Variants in NRXN3 observed in about 807,000 individuals in gnomAD.
NRXN3 encodes neurexin III.
NRXN3 carries 32 observed loss-of-function variants against 137.6 expected under a neutral mutation model. The observed-to-expected ratio is 0.23, with a 90% CI of 0.18 to 0.31. NRXN3 has a LOEUF of 0.31. Ranked by LOEUF, NRXN3 falls within the 10% of genes least tolerant of loss-of-function variation. The probability of loss-of-function intolerance (pLI) is 1.00; values close to 1 mark genes in which losing one functional copy is unlikely to be tolerated. For synonymous variants in NRXN3, 798 were observed against 784.5 expected (o/e 1.02, Z -0.29); for missense variants, 1,574 against 2,062.5 (o/e 0.76, Z 4.59).
At position 79,274,860 on chromosome 14, in the gene NRXN3, A is replaced by G. The variant is rs74067955; in HGVS notation, c.3263-192361A>G. ...CCACAGGGAGGACAAGGGCATAACT[A>G]TGGATGTTTATTAGAAGGATAAGTT... is the stretch of plus-strand genomic sequence containing the variant. On this transcript the variant is annotated intron_variant, in intron 15 of 20. Coordinates refer to ENST00000335750, the MANE Select transcript of NRXN3 (RefSeq NM_001330195.2). 4.1e-3 allele frequency among the ~76,000 whole-genome samples: 626 copies of G among 152,284 alleles called. 8 individuals are homozygous for G. The highest frequency in any genetic ancestry group is 0.014 in the African/African-American group (595 of 41,562).
chr14:78,639,247 A>G (rs1220117974), intron 4 of NRXN3, among the ~76,000 whole-genome samples: 1 of 152,208 alleles, frequency 6.6e-6, no homozygotes, highest in Non-Finnish European at 1.5e-5. Flanking sequence ...TTGCATGAAT[A>G]CAGACTAAAG....
intron 4 of NRXN3, among the ~76,000 whole-genome samples, chr14:78,640,119 G>A (rs1185100202): frequency 1.3e-5 from 2 of 152,038 alleles, no homozygotes; most frequent in African/African-American, 4.8e-5. Context: ...GTTTCCTCCT[G>A]TGTTCTCTGG....
intron 15 of NRXN3, among the ~76,000 whole-genome samples, chr14:79,277,050 TG>T: frequency 6.6e-6 from 1 of 152,270 alleles, no homozygotes; most frequent in East Asian, 1.9e-4. Context: ...TGGAGAGTGC[TG>T]TCAAGGAAAT....
chr14:78,836,011 G>T (rs1217196293), intron 10 of NRXN3, among the ~76,000 whole-genome samples: 2 of 152,220 alleles, frequency 1.3e-5, no homozygotes, highest in Admixed American at 6.5e-5. Context: ...TATGTGTAGG[G>T]GCACTGTGGG....
chr14:79,279,439 G>C, intron 15 of NRXN3: 1 of 986,026 alleles, frequency 1.0e-6, no homozygotes. Context: ...CCCGCCTCTC[G>C]GCCACCTCTG....
Position 79,795,593 on chromosome 14 carries a change from T to G in NRXN3, c.4015-9519T>G, listed in dbSNP as rs2099158734. Among the ~76,000 whole-genome samples, 3 of 152,208 alleles carry G rather than the reference T, an allele frequency of 2.0e-5. No homozygotes were observed. The South Asian group carries it at 6.2e-4, about 31-fold the overall frequency. ...CTGTCTCAAACTTACTGGCCACAGA[T>G]CACTTGTAACTCCCTATTTTATTAA... is the stretch of plus-strand genomic sequence containing the variant. On this transcript the variant is annotated intron_variant, in intron 19 of 20. Coordinates refer to ENST00000335750, the MANE Select transcript of NRXN3 (RefSeq NM_001330195.2).
At chr14:78,938,934 C>T (rs1345360350) in intron 10 of NRXN3, among the ~76,000 whole-genome samples, 1 of 150,744 alleles carries the variant, frequency 6.6e-6, no homozygotes, top group African/African-American at 2.5e-5. Flanking sequence ...AGGCTCCGCC[C>T]CCTGGGGTTC....
intron 10 of NRXN3, among the ~76,000 whole-genome samples, chr14:78,924,651 A>T (rs1487694472): frequency 6.6e-6 from 1 of 152,224 alleles, no homozygotes; most frequent in Non-Finnish European, 1.5e-5. Context: ...TTTTCTAAAA[A>T]ATTTTAGCCT....
intron 15 of NRXN3, among the ~76,000 whole-genome samples, chr14:79,227,843 T>TTCCTCCCTCCCC (rs2071347546): frequency 7.2e-6 from 1 of 138,474 alleles, no homozygotes; most frequent in Non-Finnish European, 1.6e-5. Context: ...CCTCCCTCCC[T>TTCCTCCCTCCCC]TCCTCCCTCC....
chr14:79,171,295 A>G (rs1258306539), intron 15 of NRXN3, among the ~76,000 whole-genome samples: 3 of 152,128 alleles, frequency 2.0e-5, no homozygotes, highest in African/African-American at 7.2e-5. Flanking sequence ...AGGGTTATAT[A>G]CCCAAAACTC....
chr14:79,641,016 G>GT lies in NRXN3; in HGVS notation c.3445-22753dup, dbSNP rs199589727. On this transcript the variant is annotated intron_variant, in intron 16 of 20. Transcript: ENST00000335750. ...GTTTAGAATAAATTATAATCTCCAC[G>GT]TTTTTTTTTGAGACAGAGTCTCGCT... 7.0e-3 allele frequency among the ~76,000 whole-genome samples: 920 copies of GT among 130,702 alleles called. 175 individuals carry two copies. Among genetic ancestry groups the GT allele is most frequent in the Admixed American group, 0.064 (778 of 12,162 alleles). The allele number at this position is 130,702 out of a possible 152,430, so 85.7% of individuals were successfully genotyped here.
chr14:79,339,751 AC>A, intron 15 of NRXN3, among the ~76,000 whole-genome samples: 1 of 152,276 alleles, frequency 6.6e-6, no homozygotes, highest in African/African-American at 2.4e-5. Context: ...TTCAAGTCTC[AC>A]CTACTGCCAT....
At chr14:79,847,911 T>C (rs1353921653) in intron 20 of NRXN3, among the ~76,000 whole-genome samples, 1 of 151,856 alleles carries the variant, frequency 6.6e-6, no homozygotes, top group Non-Finnish European at 1.5e-5. Flanking sequence ...GTTTTAATGC[T>C]AACTTAATAA....
At chr14:78,297,383 A>C (rs2076449294) in intron 3 of NRXN3, among the ~76,000 whole-genome samples, 1 of 152,262 alleles carries the variant, frequency 6.6e-6, no homozygotes, top group East Asian at 1.9e-4. Context: ...TGTTCTGATG[A>C]TTTTTCCCAA....
intron 15 of NRXN3, among the ~76,000 whole-genome samples, chr14:79,060,857 C>T (rs543889721): frequency 6.6e-6 from 1 of 152,104 alleles, no homozygotes; most frequent in Admixed American, 6.5e-5. Flanking sequence ...AATTTCTCTA[C>T]TAGATTAGGG....
At chr14:78,884,591 T>A (rs2099137980) in intron 10 of NRXN3, among the ~76,000 whole-genome samples, 1 of 152,206 alleles carries the variant, frequency 6.6e-6, no homozygotes, top group Admixed American at 6.5e-5. Flanking sequence ...ATTTTCCTAT[T>A]AATTTTAAAT....
intron 15 of NRXN3, among the ~76,000 whole-genome samples, chr14:79,289,049 G>C (rs1204400219): frequency 6.6e-6 from 1 of 152,116 alleles, no homozygotes; most frequent in Non-Finnish European, 1.5e-5. Context: ...CAATGGGCTC[G>C]TAGAACTTAG....
intron 16 of NRXN3, among the ~76,000 whole-genome samples, chr14:79,596,054 T>C (rs1389641876): frequency 6.6e-6 from 1 of 152,026 alleles, no homozygotes; most frequent in Non-Finnish European, 1.5e-5. Flanking sequence ...TGGGTTTTTT[T>C]TTTTTTTGGT....
At chr14:78,370,337 A>C in intron 4 of NRXN3, among the ~76,000 whole-genome samples, 1 of 149,438 alleles carries the variant, frequency 6.7e-6, no homozygotes, top group Non-Finnish European at 1.5e-5. Context: ...TGAGTGCTGC[A>C]TACTGTTTCC....
Sources: gnomAD v4.1 joint callset for allele counts (sites outside exome capture counted in the v4.1 genomes callset) on GRCh38, gnomAD v4.1.1 for gene constraint, MANE v1.5 for transcripts, NCBI Gene and HGNC (gene_info 2026-07-23, HGNC 2026-07-21) for gene names.